ACOT12: variants seen among roughly 807,000 people sequenced by gnomAD.
The protein encoded by ACOT12 is acyl-CoA thioesterase 12.
ACOT12 carries 51 observed loss-of-function variants against 67.7 expected under a neutral mutation model. That is an observed-to-expected ratio of 0.75 (90% confidence interval 0.60 to 0.95). The LOEUF is 0.95. ACOT12 is among the 40% of genes least tolerant of loss of function. The pLI is 0.00. For synonymous variants in ACOT12, 251 were observed against 244.6 expected (o/e 1.03, Z -0.24); for missense variants, 734 against 708.1 (o/e 1.04, Z -0.41).
chr5:81,370,817 T>C (rs1024991273), intron 3 of ACOT12, among the ~76,000 whole-genome samples: 1 of 152,172 alleles, frequency 6.6e-6, no homozygotes. Flanking sequence ...AACTCTTCCA[T>C]GTCTTCATGC....
At chr5:81,339,399 A>G (rs1374499705) in intron 11 of ACOT12, among the ~76,000 whole-genome samples, 2 of 152,176 alleles carry the variant, frequency 1.3e-5, no homozygotes, top group Non-Finnish European at 2.9e-5. Context: ...GGCTTTCATC[A>G]TAATTTTCCC....
chr5:81,317,575 T>C, the ACOT12 span, among the ~76,000 whole-genome samples: 1 of 151,302 alleles, frequency 6.6e-6, no homozygotes, highest in African/African-American at 2.4e-5. Flanking sequence ...CTAAGAGGCC[T>C]CAGGAAACTT....
intron 11 of ACOT12, among the ~76,000 whole-genome samples, chr5:81,339,335 C>T (rs1015671571): frequency 6.6e-6 from 1 of 152,182 alleles, no homozygotes; most frequent in African/African-American, 2.4e-5. Context: ...TGGTCTGTTT[C>T]CTATACTAGG....
chr5:81,338,434 C>T (rs900454571), intron 11 of ACOT12, among the ~76,000 whole-genome samples: 4 of 152,160 alleles, frequency 2.6e-5, no homozygotes, highest in Admixed American at 6.5e-5. Flanking sequence ...GCACCTCCCC[C>T]TCTCTCTTCC....
chr5:81,355,062 T>G (rs1453930926), intron 5 of ACOT12, among the ~76,000 whole-genome samples: 1 of 152,154 alleles, frequency 6.6e-6, no homozygotes, highest in East Asian at 1.9e-4. Context: ...CCCCTTGACT[T>G]TGAGGGTCGC....
intron 13 of ACOT12, 31 bp downstream of exon 13, chr5:81,332,446 T>C: frequency 6.2e-7 from 1 of 1,610,186 alleles, no homozygotes. Flanking sequence ...CTATGAAATA[T>C]TAATAGAACA....
chr5:81,385,693 C>A, intron 2 of ACOT12, 64 bp downstream of exon 2: 1 of 1,482,336 alleles, frequency 6.7e-7, no homozygotes, highest in Non-Finnish European at 9.4e-7. Context: ...CAGGTGCCAC[C>A]AATACATGTC....
intron 2 of ACOT12, among the ~76,000 whole-genome samples, chr5:81,374,611 T>C (rs556804300): frequency 6.6e-6 from 1 of 152,100 alleles, no homozygotes; most frequent in Non-Finnish European, 1.5e-5. Flanking sequence ...TTAGAGGAAT[T>C]GCTAACTAGA....
intron 3 of ACOT12, among the ~76,000 whole-genome samples, chr5:81,366,609 A>G (rs7737568): frequency 6.6e-6 from 1 of 152,184 alleles, no homozygotes; most frequent in South Asian, 2.1e-4. Flanking sequence ...ACTACAAAAA[A>G]TTTTTATTCA....
intron 2 of ACOT12, among the ~76,000 whole-genome samples, chr5:81,383,049 T>C (rs1760631186): frequency 6.6e-6 from 1 of 152,204 alleles, no homozygotes; most frequent in Non-Finnish European, 1.5e-5. Flanking sequence ...GGTTGTAGTC[T>C]ATGATCATTA....
At chr5:81,359,764 A>C in intron 5 of ACOT12, 139 bp downstream of exon 5, 16 of 851,360 alleles carry the variant, frequency 1.9e-5, no homozygotes, top group Non-Finnish European at 2.6e-5. Flanking sequence ...TTCTCCAGCC[A>C]CCGGGTTTGT....
intron 2 of ACOT12, among the ~76,000 whole-genome samples, chr5:81,375,205 G>T (rs60394857): frequency 1.5e-4 from 23 of 152,178 alleles, no homozygotes; most frequent in African/African-American, 2.4e-5. Context: ...TTAAAGAAAA[G>T]AATTTTCAAC....
At chr5:81,327,430 A>T (rs1005226783), downstream of ACOT12, among the ~76,000 whole-genome samples, 1 of 152,172 alleles carries the variant, frequency 6.6e-6, no homozygotes, top group Non-Finnish European at 1.5e-5. Flanking sequence ...AGGAAGAATT[A>T]ATAGGAATGA....
intron 2 of ACOT12, among the ~76,000 whole-genome samples, chr5:81,373,611 T>TC (rs752012530): frequency 7.2e-5 from 11 of 152,258 alleles, no homozygotes; most frequent in Non-Finnish European, 1.5e-4. Context: ...CAAGCCAAGA[T>TC]CCACTGGCTT....
chr5:81,382,235 A>G (rs1449539197), intron 2 of ACOT12, among the ~76,000 whole-genome samples: 1 of 152,194 alleles, frequency 6.6e-6, no homozygotes, highest in Non-Finnish European at 1.5e-5. Flanking sequence ...CCGAGAACGA[A>G]TGCCCATTTT....
intron 2 of ACOT12, among the ~76,000 whole-genome samples, chr5:81,373,391 C>T (rs565277049): frequency 7.9e-5 from 12 of 152,194 alleles, no homozygotes; most frequent in Admixed American, 2.6e-4. Flanking sequence ...AGATTCCCTC[C>T]GGTGCCTAGG....
chr5:81,384,407 G>T (rs552259304), intron 2 of ACOT12, among the ~76,000 whole-genome samples: 1 of 151,852 alleles, frequency 6.6e-6, no homozygotes, highest in East Asian at 1.9e-4. Flanking sequence ...CAAAGTGCTG[G>T]GATTACAGGT....
intron 9 of ACOT12, 114 bp downstream of exon 9, chr5:81,344,046 C>T: frequency 1.5e-6 from 2 of 1,312,954 alleles, no homozygotes; most frequent in South Asian, 2.6e-5. Context: ...GGCCAGGAAA[C>T]ATCAGACCTT....
chr5:81,390,204 C>G (rs904837675), intron 1 of ACOT12, among the ~76,000 whole-genome samples: 1 of 151,308 alleles, frequency 6.6e-6, no homozygotes, highest in Non-Finnish European at 1.5e-5. Flanking sequence ...TCAAACCATC[C>G]TCCTACCTGA....
Sources: gnomAD v4.1 joint callset for allele counts (sites outside exome capture counted in the v4.1 genomes callset) on GRCh38, gnomAD v4.1.1 for gene constraint, MANE v1.5 for transcripts, NCBI Gene and HGNC (gene_info 2026-07-23, HGNC 2026-07-21) for gene names.